Variants in SLC9A4 observed in about 807,000 individuals in gnomAD.
SLC9A4 encodes solute carrier family 9 member A4, also known as sodium/hydrogen exchanger 4.
SLC9A4 carries 63 observed loss-of-function variants against 67.4 expected under a neutral mutation model. The ratio of observed to expected loss-of-function variants is 0.93; its 90% CI spans 0.76 to 1.15. SLC9A4 has a LOEUF of 1.15. Ranked by LOEUF, SLC9A4 falls within the 50% of genes most tolerant of loss-of-function variation. The probability of loss-of-function intolerance (pLI) is 0.00; values close to 1 mark genes in which losing one functional copy is unlikely to be tolerated. For missense variants in SLC9A4, 1,089 were observed against 987.7 expected (o/e 1.10, Z -1.38); for synonymous variants, 393 against 367.2 (o/e 1.07, Z -0.80).
Position 102,532,326 on chromosome 2 carries a change from C to T in SLC9A4, c.2039-4C>T. 6.2e-7 allele frequency: 1 copy of T among 1,607,478 alleles called. No homozygotes were observed. The highest frequency in any genetic ancestry group is 8.5e-7 in the Non-Finnish European group (1 of 1,176,296). On this transcript the variant is annotated splice_region_variant and splice_polypyrimidine_tract_variant and intron_variant, in intron 11 of 11. Coordinates refer to ENST00000295269, the MANE Select transcript of SLC9A4 (RefSeq NM_001011552.4). ...TTCCCCTTCTTGCCATGATGTTTTCCTAGATGATGACAGCAGTGATCCAGG... is the reference window on the plus strand; with the variant it reads ...TTCCCCTTCTTGCCATGATGTTTTCTTAGATGATGACAGCAGTGATCCAGG...
chr2:102,495,125 A>G (rs935536037), intron 2 of SLC9A4, among the ~76,000 whole-genome samples: 1 of 152,040 alleles, frequency 6.6e-6, no homozygotes, highest in Non-Finnish European at 1.5e-5. Flanking sequence ...TTGTTACCAT[A>G]CAGAGTATAT....
In SLC9A4 at chr2:102,476,583, C is replaced by T. The variant is rs187404829; in HGVS notation, c.257-2256C>T. Among the ~76,000 whole-genome samples, 685 of 152,168 alleles carry T rather than the reference C, an allele frequency of 4.5e-3. 5 individuals are homozygous for T. The highest frequency in any genetic ancestry group is 0.016 in the African/African-American group (659 of 41,490). On this transcript the variant is annotated intron_variant, in intron 1 of 11. Coordinates refer to ENST00000295269, the MANE Select transcript of SLC9A4 (RefSeq NM_001011552.4). ...AGGGCCAAACTGGGGAGCCACAGGG[C>T]CTGAGAAAATCACACTATGGGCTCT...
At chr2:102,509,077 A>G in intron 6 of SLC9A4, 144 bp downstream of exon 6, 1 of 707,210 alleles carries the variant, frequency 1.4e-6, no homozygotes, top group Middle Eastern at 2.5e-4. Flanking sequence ...TGGCTGCTGT[A>G]GGAAATTGCC....
intron 2 of SLC9A4, among the ~76,000 whole-genome samples, chr2:102,496,471 T>C (rs1426222509): frequency 6.6e-6 from 1 of 152,142 alleles, no homozygotes; most frequent in Non-Finnish European, 1.5e-5. Context: ...CCAAGGAAGC[T>C]GAGAGGCAGA....
At position 102,526,288 on chromosome 2, in the gene SLC9A4, C is replaced by A; in HGVS notation, c.1980C>A (p.Ser660=). ...PAGTKNIRYL[S]YPYGNPQSAG... Reference sequence around the variant, plus strand: ...GCACCAAGAATATCCGCTACCTCTCCTACCCCTACGGGAATCCTCAGTCTG... The same window carrying A: ...GCACCAAGAATATCCGCTACCTCTCATACCCCTACGGGAATCCTCAGTCTG... The change falls in exon 11 of 12, where the codon TCC becomes TCA. Residue 660 remains serine (S), a synonymous_variant. Transcript: ENST00000295269. 2 of 1,613,872 alleles carry A rather than the reference C, an allele frequency of 1.2e-6. No individual in the cohort carries two copies. Among genetic ancestry groups the A allele is most frequent in the Non-Finnish European group, 1.7e-6 (2 of 1,179,824 alleles).
rs554072989 is a variant in SLC9A4 at position 102,501,083 on chromosome 2, C to T, written c.721-2365C>T. Among the ~76,000 whole-genome samples the T allele has an allele frequency of 2.0e-4, 30 of 151,572 alleles. No homozygotes were observed. The East Asian group carries it at 3.7e-3, about 19-fold the overall frequency. On this transcript the variant is annotated intron_variant, in intron 2 of 11. Transcript: ENST00000295269. ...AAGTGATTCTCCTGCCTCAGTCTCC[C>T]GAGTAGCTGGGATTACAGGCATGCG...
At chr2:102,531,423 G>T (rs929938490) in intron 11 of SLC9A4, among the ~76,000 whole-genome samples, 3 of 152,154 alleles carry the variant, frequency 2.0e-5, no homozygotes, top group African/African-American at 7.2e-5. Context: ...TCCAAGAGGG[G>T]ACATTGCATA....
chr2:102,519,814 C>T, intron 8 of SLC9A4, 45 bp from the exon 9 acceptor site: 4 of 1,596,872 alleles, frequency 2.5e-6, no homozygotes, highest in Non-Finnish European at 3.4e-6. Flanking sequence ...CACCTCTTGC[C>T]AAATGAAAGA....
At chr2:102,477,662 A>G (rs1684361808) in intron 1 of SLC9A4, among the ~76,000 whole-genome samples, 1 of 152,166 alleles carries the variant, frequency 6.6e-6, no homozygotes, top group African/African-American at 2.4e-5. Context: ...GGAGCTAGGG[A>G]AAGCTAAGCC....
chr2:102,532,187 T>C (rs1383031493), intron 11 of SLC9A4, 143 bp from the exon 12 acceptor site: 5 of 867,308 alleles, frequency 5.8e-6, no homozygotes, highest in Admixed American at 2.4e-5. Flanking sequence ...GAAGGAAAAA[T>C]TGTGCTGATA....
intron 4 of SLC9A4, among the ~76,000 whole-genome samples, chr2:102,507,002 C>T (rs1685063785): frequency 6.6e-6 from 1 of 152,164 alleles, no homozygotes; most frequent in Non-Finnish European, 1.5e-5. Flanking sequence ...GTAGTTCACA[C>T]TCGCGAAGGC....
In SLC9A4 at chr2:102,505,369, A is replaced by T; in HGVS notation, c.1096A>T (p.Ile366Phe). The change falls in exon 4 of 12, where the codon ATC becomes TTC. Residue 366 changes from isoleucine to phenylalanine, a missense_variant. Coordinates refer to ENST00000295269, the MANE Select transcript of SLC9A4 (RefSeq NM_001011552.4). ...GCTGAGCAGCGTCAGCGAGACCTTG[A>T]TCTTCATCTTCATGGGTGTGTCCAC... ...KMLSSVSETLIFIFMGVSTVG... is the reference protein window; with the variant it reads ...KMLSSVSETLFFIFMGVSTVG... 1 of 1,614,214 alleles carries T rather than the reference A, an allele frequency of 6.2e-7. No individual in the cohort carries two copies. The highest frequency in any genetic ancestry group is 1.7e-5 in the Admixed American group (1 of 60,024).
Position 102,508,201 on chromosome 2 carries a change from C to T in SLC9A4, c.1321C>T (p.Leu441Phe). 1 of 1,614,160 alleles carries T rather than the reference C, an allele frequency of 6.2e-7. No individual in the cohort carries two copies. Among genetic ancestry groups the T allele is most frequent in the Non-Finnish European group, 8.5e-7 (1 of 1,180,030 alleles). ...TGGAAGTTTTTCACTTGCATTTTTG[C>T]TTCCTCTGTCTCTTTTTCCTAGGAA... ...GAGSFSLAFL[L>F]PLSLFPRKKM... is the part of the protein sequence containing the mutation. Residue 441 changes from leucine to phenylalanine, a missense_variant, in exon 5 of 12, where the codon CTT becomes TTT. Coordinates refer to ENST00000295269, the MANE Select transcript of SLC9A4 (RefSeq NM_001011552.4).
At chr2:102,495,200 T>C (rs927946464) in intron 2 of SLC9A4, among the ~76,000 whole-genome samples, 1 of 151,930 alleles carries the variant, frequency 6.6e-6, no homozygotes, top group Non-Finnish European at 1.5e-5. Flanking sequence ...TATTTGGAAA[T>C]TAAAAAACAA....
chr2:102,487,435 C>T (rs1463316653), intron 2 of SLC9A4, among the ~76,000 whole-genome samples: 1 of 152,124 alleles, frequency 6.6e-6, no homozygotes, highest in Non-Finnish European at 1.5e-5. Context: ...CCCTTTACTT[C>T]CTGCACTTGT....
Position 102,514,244 on chromosome 2 carries a change from C to G in SLC9A4, c.1714C>G (p.Pro572Ala), listed in dbSNP as rs145843156. Residue 572 changes from proline to alanine, a missense_variant, in exon 8 of 12, where the codon CCC (proline) becomes GCC (alanine). Pro to Ala is a conservative substitution (Grantham distance 27). Coordinates refer to ENST00000295269, the MANE Select transcript of SLC9A4 (RefSeq NM_001011552.4). ...ACTGAGCTCTACAGCTTTCTCCATA[C>G]CCCATCAGTGAGTCATATCTGTTCT... is the stretch of plus-strand genomic sequence containing the variant. ...GILSSTAFSI[P>A]HQAQRIQGIK... 8 of 1,606,616 alleles carry G rather than the reference C, an allele frequency of 5.0e-6. No individual in the cohort carries two copies. The highest frequency in any genetic ancestry group is 6.8e-6 in the Non-Finnish European group (8 of 1,175,006).
At chr2:102,531,479 C>T (rs972527716) in intron 11 of SLC9A4, among the ~76,000 whole-genome samples, 5 of 152,038 alleles carry the variant, frequency 3.3e-5, no homozygotes, top group African/African-American at 4.8e-5. Context: ...CCCTCTTACA[C>T]GTGGATACAC....
At chr2:102,500,775 C>G (rs1280164265) in intron 2 of SLC9A4, among the ~76,000 whole-genome samples, 1 of 152,104 alleles carries the variant, frequency 6.6e-6, no homozygotes, top group Non-Finnish European at 1.5e-5. Context: ...GTATCTGTCC[C>G]TAGAGGACAG....
intron 7 of SLC9A4, among the ~76,000 whole-genome samples, 176 bp from the exon 8 acceptor site, chr2:102,513,914 A>G (rs59771371): frequency 0.018 from 2,759 of 152,286 alleles, 74 homozygotes; most frequent in East Asian, 0.09. Flanking sequence ...TAAAAAATGC[A>G]TAAATGCTAT....
Sources: allele counts gnomAD v4.1 joint callset (sites outside exome capture counted in the v4.1 genomes callset), GRCh38; gene constraint gnomAD v4.1.1; transcripts MANE v1.5; gene names NCBI Gene and HGNC (gene_info 2026-07-23, HGNC 2026-07-21).